ZNF385D: variants seen among roughly 807,000 people sequenced by gnomAD.
The protein encoded by ZNF385D is zinc finger protein 659.
ZNF385D carries 15 observed loss-of-function variants against 35.8 expected under a neutral mutation model. That is an observed-to-expected ratio of 0.42 (90% CI 0.28 to 0.64). ZNF385D has a LOEUF of 0.64. Ranked by LOEUF, ZNF385D falls within the 30% of genes least tolerant of loss-of-function variation. ZNF385D has a pLI of 0.23. For missense variants in ZNF385D, 474 were observed against 494.6 expected (o/e 0.96, Z 0.39); for synonymous variants, 212 against 186.8 (o/e 1.13, Z -1.10).
intron 5 of ZNF385D, among the ~76,000 whole-genome samples, chr3:21,431,727 C>G (rs1701302514): frequency 6.6e-6 from 1 of 152,226 alleles, no homozygotes; most frequent in Non-Finnish European, 1.5e-5. Context: ...AGACGAGTCT[C>G]TATCTTTATT....
chr3:21,701,907 C>T (rs566220836), intron 1 of ZNF385D, among the ~76,000 whole-genome samples: 3 of 152,286 alleles, frequency 2.0e-5, no homozygotes, highest in Admixed American at 6.5e-5. Context: ...TCTTGAGCAG[C>T]CCCGTCTCTA....
chr3:22,104,670 G>T (rs1702114640), intron 3 of ZNF385D, among the ~76,000 whole-genome samples: 1 of 149,136 alleles, frequency 6.7e-6, no homozygotes, highest in Non-Finnish European at 1.5e-5. Flanking sequence ...CAGAAGTTGT[G>T]ACTCTTTCCC....
intron 2 of ZNF385D, among the ~76,000 whole-genome samples, chr3:22,265,791 T>C (rs1576587168): frequency 6.6e-6 from 1 of 151,994 alleles, no homozygotes; most frequent in East Asian, 1.9e-4. Context: ...CAAAGTGTTT[T>C]AACATTTGCT....
intron 4 of ZNF385D, among the ~76,000 whole-genome samples, chr3:21,455,644 C>G (rs991896982): frequency 6.6e-5 from 10 of 152,114 alleles, no homozygotes; most frequent in Admixed American, 6.6e-4. Flanking sequence ...TAGAAGAAAA[C>G]CTAGGCAATA....
chr3:21,605,467 G>A (rs1282842197), intron 2 of ZNF385D, among the ~76,000 whole-genome samples: 1 of 152,108 alleles, frequency 6.6e-6, no homozygotes, highest in Non-Finnish European at 1.5e-5. Context: ...CCTCGTGTAG[G>A]GAACTAAGTG....
At chr3:22,280,398 T>G (rs1263473382) in intron 2 of ZNF385D, among the ~76,000 whole-genome samples, 1 of 151,718 alleles carries the variant, frequency 6.6e-6, no homozygotes, top group South Asian at 2.1e-4. Flanking sequence ...TCTGATAGAA[T>G]TCTTATGGTT....
At chr3:22,086,437 C>T (rs1210078465) in intron 3 of ZNF385D, among the ~76,000 whole-genome samples, 3 of 152,138 alleles carry the variant, frequency 2.0e-5, no homozygotes, top group African/African-American at 7.2e-5. Context: ...CATGAGTGAA[C>T]TCCCATTCAC....
chr3:21,816,824 G>GA (rs2073169013), intron 3 of ZNF385D, among the ~76,000 whole-genome samples: 1 of 152,092 alleles, frequency 6.6e-6, no homozygotes, highest in Admixed American at 6.5e-5. Context: ...CACAGAATTG[G>GA]AAAAAACTGC....
intron 3 of ZNF385D, among the ~76,000 whole-genome samples, chr3:22,132,877 A>T (rs553530417): frequency 9.0e-4 from 137 of 152,244 alleles, no homozygotes; most frequent in African/African-American, 3.2e-3. Flanking sequence ...AATTTAAGGA[A>T]GAGATTAACC....
At chr3:21,613,502 A>C (rs537744632) in intron 2 of ZNF385D, among the ~76,000 whole-genome samples, 1 of 152,084 alleles carries the variant, frequency 6.6e-6, no homozygotes, top group African/African-American at 2.4e-5. Context: ...AACAAGCTTC[A>C]TCAGTTTCAC....
At chr3:22,000,187 C>A (rs1695747180) in intron 3 of ZNF385D, among the ~76,000 whole-genome samples, 1 of 152,034 alleles carries the variant, frequency 6.6e-6, no homozygotes. Context: ...TGCCTGTAGT[C>A]CCAGCTACTA....
At chr3:21,947,779 A>T (rs531014003) in intron 3 of ZNF385D, among the ~76,000 whole-genome samples, 2 of 152,200 alleles carry the variant, frequency 1.3e-5, no homozygotes, top group South Asian at 2.1e-4. Flanking sequence ...TCAATTTTTT[A>T]AATTTATGGT....
intron 2 of ZNF385D, among the ~76,000 whole-genome samples, chr3:22,300,225 ATGT>A (rs1702823055): frequency 6.6e-6 from 1 of 151,996 alleles, no homozygotes; most frequent in Non-Finnish European, 1.5e-5. Flanking sequence ...TCATCAATAA[ATGT>A]TGTTGAGAAA....
At position 21,988,975 on chromosome 3, in the gene ZNF385D, G is replaced by T. The variant is rs113310859; in HGVS notation, c.325+179842C>A. Among the ~76,000 whole-genome samples, 25 of 152,190 alleles carry T rather than the reference G, an allele frequency of 1.6e-4. 1 individual carries two copies. Among genetic ancestry groups the T allele is most frequent in the African/African-American group, 5.1e-4 (21 of 41,542 alleles). ...CCTTTCTTTGACTTGGACCCCTTGCGCTTCCCAGGTGAGGCAATGCCTCGC... is the reference window on the plus strand; with the variant it reads ...CCTTTCTTTGACTTGGACCCCTTGCTCTTCCCAGGTGAGGCAATGCCTCGC... On this transcript the variant is annotated intron_variant, in intron 3 of 5. Coordinates refer to the ZNF385D transcript ENST00000494108.
chr3:22,031,839 A>G (rs1184175186), intron 3 of ZNF385D, among the ~76,000 whole-genome samples: 2 of 152,198 alleles, frequency 1.3e-5, no homozygotes, highest in African/African-American at 4.8e-5. Flanking sequence ...CCCTTTAAAC[A>G]TAAGTTCCAA....
intron 3 of ZNF385D, among the ~76,000 whole-genome samples, chr3:21,872,781 G>A (rs946721592): frequency 1.6e-4 from 25 of 151,968 alleles, no homozygotes; most frequent in African/African-American, 4.8e-4. Context: ...TTTCCCAGCC[G>A]CTACAATGCT....
intron 4 of ZNF385D, among the ~76,000 whole-genome samples, chr3:21,453,168 CAA>C (rs3860574): frequency 0.59 from 84,116 of 143,410 alleles, 27,006 homozygotes; most frequent in Non-Finnish European, 0.74. Flanking sequence ...CATACACATG[CAA>C]AAAAAAAAAA....
chr3:22,343,106 T>G (rs1695497513), intron 2 of ZNF385D, among the ~76,000 whole-genome samples: 1 of 152,246 alleles, frequency 6.6e-6, no homozygotes. Context: ...GTTAAAGTAT[T>G]TACATTTTCC....
intron 2 of ZNF385D, among the ~76,000 whole-genome samples, chr3:21,585,591 A>G (rs1247384460): frequency 6.6e-6 from 1 of 152,192 alleles, no homozygotes; most frequent in Admixed American, 6.5e-5. Flanking sequence ...TGGCAAAATA[A>G]TCTGGCTGCC....
Sources: allele counts gnomAD v4.1 joint callset (sites outside exome capture counted in the v4.1 genomes callset), GRCh38; gene constraint gnomAD v4.1.1; transcripts MANE v1.5; gene names NCBI Gene and HGNC (gene_info 2026-07-23, HGNC 2026-07-21).